Variants in KCNQ5 observed in about 807,000 individuals in gnomAD.
KCNQ5 encodes the protein potassium voltage-gated channel subfamily Q member 5, also known as potassium voltage-gated channel subfamily KQT member 5.
KCNQ5 carries 30 observed loss-of-function variants against 98.2 expected under a neutral mutation model. The observed-to-expected ratio is 0.31, with a 90% CI of 0.23 to 0.41. The LOEUF is 0.41. Among genes scored for constraint, KCNQ5 ranks in the 10% least tolerant of loss-of-function variants. The probability of loss-of-function intolerance (pLI) is 1.00; values close to 1 mark genes in which losing one functional copy is unlikely to be tolerated. For synonymous variants in KCNQ5, 458 were observed against 449.4 expected, an observed-to-expected ratio of 1.02 and a Z score of -0.24; for missense variants, 835 against 1,182.5, an observed-to-expected ratio of 0.71 and a Z score of 4.31.
intron 1 of KCNQ5, among the ~76,000 whole-genome samples, chr6:72,925,224 C>A (rs1300114257): frequency 1.3e-5 from 2 of 152,040 alleles, no homozygotes; most frequent in Admixed American, 1.3e-4. Flanking sequence ...TCCTGTAAAT[C>A]AGTGAGAAGG....
intron 1 of KCNQ5, among the ~76,000 whole-genome samples, chr6:72,820,698 G>A (rs1484637028): frequency 6.6e-6 from 1 of 151,930 alleles, no homozygotes; most frequent in Non-Finnish European, 1.5e-5. Context: ...TCACATCAAA[G>A]ACAGACTCAC....
At chr6:72,964,122 T>G (rs2150273093) in intron 1 of KCNQ5, among the ~76,000 whole-genome samples, 1 of 152,356 alleles carries the variant, frequency 6.6e-6, no homozygotes, top group African/African-American at 2.4e-5. Context: ...TTGACCACTT[T>G]TACAACATTA....
intron 1 of KCNQ5, among the ~76,000 whole-genome samples, chr6:72,717,855 G>A (rs1769726298): frequency 6.6e-6 from 1 of 152,164 alleles, no homozygotes; most frequent in African/African-American, 2.4e-5. Context: ...GGAGGTGTTT[G>A]AAAAATTTAT....
At chr6:73,051,120 G>A (rs1411161057) in intron 3 of KCNQ5, among the ~76,000 whole-genome samples, 1 of 152,164 alleles carries the variant, frequency 6.6e-6, no homozygotes, top group Non-Finnish European at 1.5e-5. Flanking sequence ...ATCAGAAACT[G>A]CCAAACTATT....
At chr6:72,939,871 A>T (rs1582052541) in intron 1 of KCNQ5, among the ~76,000 whole-genome samples, 1 of 152,220 alleles carries the variant, frequency 6.6e-6, no homozygotes, top group South Asian at 2.1e-4. Context: ...GTCTATGAAG[A>T]TGAGTAAAAT....
intron 3 of KCNQ5, among the ~76,000 whole-genome samples, chr6:73,064,709 A>G (rs1180071122): frequency 2.6e-5 from 4 of 152,228 alleles, no homozygotes; most frequent in African/African-American, 4.8e-5. Context: ...ATAAAAGAAT[A>G]TAATATAAAG....
chr6:72,630,019 A>G (rs1255859997), intron 1 of KCNQ5, among the ~76,000 whole-genome samples: 3 of 152,196 alleles, frequency 2.0e-5, no homozygotes, highest in Non-Finnish European at 4.4e-5. Context: ...GTTTTTCATC[A>G]TATACATTTG....
At chr6:72,917,123 G>A (rs925364913) in intron 1 of KCNQ5, among the ~76,000 whole-genome samples, 6 of 152,212 alleles carry the variant, frequency 3.9e-5, no homozygotes, top group Non-Finnish European at 7.3e-5. Flanking sequence ...GGGTGCTGAA[G>A]GGAGATCTGA....
intron 3 of KCNQ5, among the ~76,000 whole-genome samples, chr6:73,075,370 G>C (rs1011211771): frequency 6.6e-5 from 10 of 151,724 alleles, no homozygotes; most frequent in Admixed American, 3.9e-4. Flanking sequence ...TTACAGGCAC[G>C]TGCCACCACA....
chr6:72,862,083 A>G (rs1318582404), intron 1 of KCNQ5, among the ~76,000 whole-genome samples: 1 of 152,066 alleles, frequency 6.6e-6, no homozygotes, highest in African/African-American at 2.4e-5. Context: ...CTTTCAAACC[A>G]AACTCCCACA....
intron 10 of KCNQ5, among the ~76,000 whole-genome samples, chr6:73,148,526 T>C (rs1463835445): frequency 6.6e-6 from 1 of 152,226 alleles, no homozygotes; most frequent in African/African-American, 2.4e-5. Flanking sequence ...GTTAGCATAT[T>C]TGGTAAACAT....
At chr6:72,679,248 A>T (rs926571766) in intron 1 of KCNQ5, among the ~76,000 whole-genome samples, 3 of 152,184 alleles carry the variant, frequency 2.0e-5, no homozygotes, top group Admixed American at 2.0e-4. Context: ...ACTATAAATC[A>T]TGCTGCTATA....
chr6:72,685,114 G>A (rs1301319574), intron 1 of KCNQ5, among the ~76,000 whole-genome samples: 1 of 152,202 alleles, frequency 6.6e-6, no homozygotes, highest in African/African-American at 2.4e-5. Context: ...AGGGCTATGT[G>A]TTGTGCAGAA....
chr6:73,133,290 C>G (rs1776311037), intron 9 of KCNQ5, 131 bp from the exon 10 acceptor site: 1 of 713,080 alleles, frequency 1.4e-6, no homozygotes, highest in Admixed American at 2.9e-5. Context: ...AAAATAATTG[C>G]TATGCTCCTA....
intron 1 of KCNQ5, among the ~76,000 whole-genome samples, chr6:72,690,269 C>T (rs974954985): frequency 6.6e-6 from 1 of 152,136 alleles, no homozygotes; most frequent in African/African-American, 2.4e-5. Flanking sequence ...AGAAAACATG[C>T]TGTTTCCACA....
At chr6:73,152,863 T>G (rs1777208182) in intron 10 of KCNQ5, among the ~76,000 whole-genome samples, 1 of 152,204 alleles carries the variant, frequency 6.6e-6, no homozygotes, top group Non-Finnish European at 1.5e-5. Context: ...GAAAAGGTCT[T>G]ACTACCATTA....
chr6:72,726,753 A>G (rs1460177601), intron 1 of KCNQ5, among the ~76,000 whole-genome samples: 1 of 152,226 alleles, frequency 6.6e-6, no homozygotes, highest in Non-Finnish European at 1.5e-5. Context: ...AGTTAAAGGA[A>G]AGAAAGAACA....
chr6:73,108,534 A>T (rs1036632689), intron 6 of KCNQ5, among the ~76,000 whole-genome samples: 2 of 152,214 alleles, frequency 1.3e-5, no homozygotes, highest in African/African-American at 4.8e-5. Context: ...GTTTAAAAAA[A>T]CAGGGCATCT....
At chr6:72,727,233 A>T (rs142513022) in intron 1 of KCNQ5, among the ~76,000 whole-genome samples, 12 of 152,342 alleles carry the variant, frequency 7.9e-5, no homozygotes, top group African/African-American at 2.6e-4. Context: ...CTGAGCAGTA[A>T]CTTCTCGCAT....
Sources: allele counts gnomAD v4.1 joint callset (sites outside exome capture counted in the v4.1 genomes callset), GRCh38; gene constraint gnomAD v4.1.1; transcripts MANE v1.5; gene names NCBI Gene and HGNC (gene_info 2026-07-23, HGNC 2026-07-21).